Variants in ST8SIA4 observed in about 807,000 individuals in gnomAD.
ST8SIA4 encodes CMP-N-acetylneuraminate-poly-alpha-2,8-sialyltransferase.
Under a neutral mutation model 33.9 loss-of-function variants are expected in ST8SIA4, and 15 were observed. The observed-to-expected ratio is 0.44, with a 90% CI of 0.30 to 0.68. The LOEUF (loss-of-function observed/expected upper bound fraction) is 0.68, where lower values mean the gene tolerates loss of function less well. ST8SIA4 is among the 30% of genes least tolerant of loss of function. The pLI is 0.10. For synonymous variants in ST8SIA4, 171 were observed against 151.2 expected, an observed-to-expected ratio of 1.13 and a Z score of -0.96; for missense variants, 321 against 428.0, an observed-to-expected ratio of 0.75 and a Z score of 2.21.
intron 4 of ST8SIA4, among the ~76,000 whole-genome samples, chr5:100,829,628 G>A (rs963455667): frequency 6.6e-6 from 1 of 152,074 alleles, no homozygotes; most frequent in Non-Finnish European, 1.5e-5. Context: ...ACTACATGTC[G>A]GCCGGGCGCG....
rs1246953272 is a variant in ST8SIA4, at chr5:100,807,471, T to C, written c.*4376A>G. On this transcript the variant is annotated 3_prime_UTR_variant, in exon 5 of 5. Coordinates refer to ENST00000231461, the MANE Select transcript of ST8SIA4 (RefSeq NM_005668.6). ...TTTGCCTACACAAAGAAACGGTTTT[T>C]ATTAAAAGGTGCTACTTAAATGAGA... 6.6e-6 allele frequency: 1 copy of C among 152,570 alleles called. No homozygotes were observed. The highest frequency in any genetic ancestry group is 1.5e-5 in the Non-Finnish European group (1 of 67,960). The allele number at this position is 152,570 out of a possible 1,614,324, so 9.5% of individuals were successfully genotyped here. A position where few individuals can be genotyped will look rare whatever the true frequency, so the allele number is the denominator to read the frequency against.
chr5:100,879,333 A>G (rs569474768), intron 3 of ST8SIA4, among the ~76,000 whole-genome samples: 1 of 152,308 alleles, frequency 6.6e-6, no homozygotes, highest in East Asian at 1.9e-4. Flanking sequence ...TCATTTCTAC[A>G]TTGCAAATTT....
intron 1 of ST8SIA4, among the ~76,000 whole-genome samples, 154 bp from the exon 2 acceptor site, chr5:100,895,939 A>G (rs1752770843): frequency 6.6e-6 from 1 of 152,102 alleles, no homozygotes; most frequent in Non-Finnish European, 1.5e-5. Context: ...GAAAGGTGTT[A>G]TGAGGATTAA....
At chr5:100,900,506 C>G (rs962371927) in intron 1 of ST8SIA4, 5 of 456,108 alleles carry the variant, frequency 1.1e-5, no homozygotes, top group Admixed American at 4.7e-5. Context: ...GGGTCACAAG[C>G]TTTTCCACGA....
At chr5:100,858,345 C>T (rs114578405) in intron 3 of ST8SIA4, among the ~76,000 whole-genome samples, 2,552 of 152,078 alleles carry the variant, frequency 0.017, 29 homozygotes, top group Admixed American at 0.025. Flanking sequence ...AAAACAAACC[C>T]TCAGTAATTT....
intron 4 of ST8SIA4, among the ~76,000 whole-genome samples, chr5:100,812,524 T>C (rs1220940534): frequency 6.6e-6 from 1 of 151,966 alleles, no homozygotes; most frequent in Non-Finnish European, 1.5e-5. Flanking sequence ...GAAAAAAAAG[T>C]TTGAAACTAT....
At chr5:100,877,693 A>T (rs1752335719) in intron 3 of ST8SIA4, among the ~76,000 whole-genome samples, 1 of 152,200 alleles carries the variant, frequency 6.6e-6, no homozygotes, top group Non-Finnish European at 1.5e-5. Context: ...AAAACGTAGT[A>T]CCAGAAGAAA....
intron 4 of ST8SIA4, among the ~76,000 whole-genome samples, chr5:100,818,649 T>G (rs1158738784): frequency 1.3e-5 from 2 of 152,144 alleles, no homozygotes; most frequent in African/African-American, 2.4e-5. Flanking sequence ...TATGTGCCCT[T>G]TGTATTCAGA....
At chr5:100,833,141 T>C (rs1751295224) in intron 4 of ST8SIA4, among the ~76,000 whole-genome samples, 1 of 152,118 alleles carries the variant, frequency 6.6e-6, no homozygotes, top group African/African-American at 2.4e-5. Flanking sequence ...TTGGTTAACA[T>C]ATTATTTTGC....
At chr5:100,899,209 A>C (rs1297663737) in intron 1 of ST8SIA4, among the ~76,000 whole-genome samples, 2 of 152,216 alleles carry the variant, frequency 1.3e-5, no homozygotes, top group Non-Finnish European at 2.9e-5. Context: ...CTTTAATATA[A>C]AAATTTAAAT....
intron 4 of ST8SIA4, among the ~76,000 whole-genome samples, chr5:100,813,432 T>C (rs1258113541): frequency 2.0e-5 from 3 of 152,064 alleles, no homozygotes; most frequent in Admixed American, 2.0e-4. Flanking sequence ...TTTTGAGCTG[T>C]ATGAAATGTG....
chr5:100,852,114 C>CTTTTTTTTTTTTTTT (rs773074391), intron 4 of ST8SIA4, among the ~76,000 whole-genome samples: 1 of 83,446 alleles, frequency 1.2e-5, no homozygotes, highest in Non-Finnish European at 2.1e-5. Flanking sequence ...CTCCACTCTT[C>CTTTTTTTTTTTTTTT]TTTTTTTTTT....
At position 100,856,377 on chromosome 5, in the gene ST8SIA4, C is replaced by T; in HGVS notation, c.523G>A (p.Val175Met). The change falls in exon 4 of 5, where the codon GTG (valine) becomes ATG (methionine). Residue 175 changes from valine (V) to methionine (M), a missense_variant. Transcript: ENST00000231461. ...GTTCCCACATCTGCAGCAAACTCCACCACAGGAGCTAGATTACACCTGAAG... is the reference window on the plus strand; with the variant it reads ...GTTCCCACATCTGCAGCAAACTCCATCACAGGAGCTAGATTACACCTGAAG... Reference protein sequence around the residue: ...FVIRCNLAPVVEFAADVGTKS... With the variant: ...FVIRCNLAPVMEFAADVGTKS... The T allele has an allele frequency of 1.2e-6, 2 of 1,613,606 alleles. No individual in the cohort carries two copies. The highest frequency in any genetic ancestry group is 1.7e-6 in the Non-Finnish European group (2 of 1,179,742).
chr5:100,834,733 T>G (rs1401667414), intron 4 of ST8SIA4, among the ~76,000 whole-genome samples: 1 of 151,988 alleles, frequency 6.6e-6, no homozygotes, highest in Admixed American at 6.6e-5. Flanking sequence ...TGTTTAAAAG[T>G]GTGTACCATC....
At chr5:100,890,075 TA>T (rs2112477071) in intron 2 of ST8SIA4, among the ~76,000 whole-genome samples, 1 of 151,986 alleles carries the variant, frequency 6.6e-6, no homozygotes, top group East Asian at 1.9e-4. Context: ...GTCTTCTACG[TA>T]TGGAAAATTA....
At chr5:100,826,342 G>C (rs1025822929) in intron 4 of ST8SIA4, among the ~76,000 whole-genome samples, 2 of 152,102 alleles carry the variant, frequency 1.3e-5, no homozygotes, top group Non-Finnish European at 2.9e-5. Context: ...TCAATTTCCA[G>C]TTGATTCATC....
intron 4 of ST8SIA4, among the ~76,000 whole-genome samples, chr5:100,836,394 T>TA (rs1751362244): frequency 6.6e-6 from 1 of 152,008 alleles, no homozygotes; most frequent in Non-Finnish European, 1.5e-5. Context: ...TCTCTAGTAT[T>TA]ACTATTAATT....
Position 100,856,087 on chromosome 5 carries a change from C to T in ST8SIA4, c.797+16G>A. 6.2e-7 allele frequency: 1 copy of T among 1,611,038 alleles called. No homozygotes were observed. Among genetic ancestry groups the T allele is most frequent in the Non-Finnish European group, 8.5e-7 (1 of 1,177,796 alleles). ...CCACTGTGCCAAGGACAAACTGGTC[C>T]TTTCCAGTCACTTACCCTCTGACAG... On this transcript the variant is annotated intron_variant, in intron 4 of 4. Coordinates refer to ENST00000231461, the MANE Select transcript of ST8SIA4 (RefSeq NM_005668.6).
At chr5:100,882,955 A>C (rs1752457305) in intron 3 of ST8SIA4, among the ~76,000 whole-genome samples, 1 of 152,256 alleles carries the variant, frequency 6.6e-6, no homozygotes, top group African/African-American at 2.4e-5. Context: ...CTGCAAGGGC[A>C]GTGTGGAAGG....
Sources: allele counts gnomAD v4.1 joint callset (sites outside exome capture counted in the v4.1 genomes callset), GRCh38; gene constraint gnomAD v4.1.1; transcripts MANE v1.5; gene names NCBI Gene and HGNC (gene_info 2026-07-23, HGNC 2026-07-21).